The following AMD1 variants were observed in gnomAD, a reference collection of about 807,000 sequenced individuals.
AMD1 encodes the protein adenosylmethionine decarboxylase 1, also known as S-adenosylmethionine decarboxylase proenzyme.
AMD1 carries 11 observed loss-of-function variants against 40.2 expected under a neutral mutation model. The observed-to-expected ratio is 0.27, with a 90% confidence interval of 0.17 to 0.45. The LOEUF (loss-of-function observed/expected upper bound fraction) is 0.45. Among genes scored for constraint, AMD1 ranks in the 20% least tolerant of loss-of-function variants. The probability of loss-of-function intolerance (pLI) is 1.00; values close to 1 mark genes in which losing one functional copy is unlikely to be tolerated. For synonymous variants in AMD1, 121 were observed against 130.8 expected (o/e 0.93, Z 0.51); for missense variants, 257 against 410.2 (o/e 0.63, Z 3.23).
intron 1 of AMD1, among the ~76,000 whole-genome samples, chr6:110,876,177 G>A (rs994924573): frequency 6.6e-6 from 1 of 152,258 alleles, no homozygotes; most frequent in Non-Finnish European, 1.5e-5. Flanking sequence ...TGGTATTGCT[G>A]TGGAAATCCA....
At chr6:110,835,577 A>G in the AMD1 span, among the ~76,000 whole-genome samples, 13 of 152,206 alleles carry the variant, frequency 8.5e-5, no homozygotes, top group East Asian at 2.5e-3. Flanking sequence ...TATTATTTAA[A>G]AAATCAGGCC....
chr6:110,870,461 A>G (rs1784894698), upstream of AMD1, among the ~76,000 whole-genome samples: 1 of 152,074 alleles, frequency 6.6e-6, no homozygotes, highest in Non-Finnish European at 1.5e-5. Flanking sequence ...GGTCGCTACT[A>G]AAAATACAAA....
the AMD1 span, chr6:110,815,847 G>C: frequency 6.6e-6 from 1 of 152,500 alleles, no homozygotes; most frequent in Non-Finnish European, 1.5e-5. Context: ...GGAGGCGAGG[G>C]CTGGTGAGGA....
rs1583224826 is a variant in AMD1, at chr6:110,892,985, A to G, written c.784A>G (p.Thr262Ala). The change falls in exon 8 of 9, where the codon ACC becomes GCC. Residue 262 changes from threonine (T) to alanine (A), a missense_variant. Physicochemically the swap from Thr to Ala is moderately conservative, Grantham distance 58. Around this residue, in one of 3 missense-constraint regions of AMD1, gnomAD observed 192 missense variants for 296.5 expected, o/e 0.65. Coordinates refer to ENST00000368885, the MANE Select transcript of AMD1 (RefSeq NM_001634.6). The part of the protein sequence containing the change: ...YVSFETNLSQ[T>A]SYDDLIRKVV... ...TAGCTTTGAAACAAACTTAAGTCAG[A>G]CCTCCTATGATGACCTGATCAGGAA... 6.2e-7 allele frequency: 1 copy of G among 1,613,956 alleles called. No homozygotes were observed. Among genetic ancestry groups the G allele is most frequent in the East Asian group, 2.2e-5 (1 of 44,860 alleles).
chr6:110,826,616 C>A, the AMD1 span, among the ~76,000 whole-genome samples: 4 of 151,950 alleles, frequency 2.6e-5, no homozygotes, highest in Non-Finnish European at 4.4e-5. Flanking sequence ...GGCAGCATAA[C>A]TCAAATCTCT....
At chr6:110,845,352 G>A in the AMD1 span, among the ~76,000 whole-genome samples, 7 of 151,852 alleles carry the variant, frequency 4.6e-5, no homozygotes, top group African/African-American at 7.3e-5. Flanking sequence ...TGCCACAGAC[G>A]TTTAAACAAC....
At chr6:110,886,859 T>C (rs1785718989) in intron 1 of AMD1, among the ~76,000 whole-genome samples, 1 of 152,246 alleles carries the variant, frequency 6.6e-6, no homozygotes, top group South Asian at 2.1e-4. Context: ...ATGAACACTT[T>C]CCTAATTCTA....
chr6:110,838,785 G>C, the AMD1 span, among the ~76,000 whole-genome samples: 1 of 152,146 alleles, frequency 6.6e-6, no homozygotes, highest in Non-Finnish European at 1.5e-5. Flanking sequence ...CTTAAACCTG[G>C]AGGGCTGAGG....
chr6:110,880,822 G>A (rs1468941197), intron 1 of AMD1, among the ~76,000 whole-genome samples: 1 of 152,010 alleles, frequency 6.6e-6, no homozygotes, highest in Non-Finnish European at 1.5e-5. Flanking sequence ...ACAAGCCTGC[G>A]CCACCACACC....
At chr6:110,893,344 C>A in intron 8 of AMD1, 132 bp from the exon 9 acceptor site, 1 of 1,272,680 alleles carries the variant, frequency 7.9e-7, no homozygotes, top group Non-Finnish European at 1.1e-6. Context: ...GCCCCTCCAG[C>A]ACATAAGAAG....
Position 110,878,766 on chromosome 6 carries a change from A to G in AMD1, c.110+3551A>G, listed in dbSNP as rs185228809. Among the ~76,000 whole-genome samples the G allele has an allele frequency of 1.9e-3, 296 of 152,302 alleles. 2 individuals are homozygous for G. Among genetic ancestry groups the G allele is most frequent in the Admixed American group, 3.9e-3 (59 of 15,296 alleles). ...TTAGAAAATAGAAAATTTTGCTGAG[A>G]AAAGAATGATTTTTCAGGACTGGAA... On this transcript the variant is annotated intron_variant, in intron 1 of 8. Transcript: ENST00000368885.
At chr6:110,814,834 CG>C in the AMD1 span, 2 of 825,068 alleles carry the variant, frequency 2.4e-6, no homozygotes, top group Non-Finnish European at 3.9e-6. Context: ...CGGGGCCGCG[CG>C]GGGGAGGCGG....
intron 4 of AMD1, chr6:110,890,911 T>C (rs1285935815): frequency 2.0e-5 from 3 of 152,236 alleles, no homozygotes; most frequent in African/African-American, 7.2e-5. Context: ...TTAGTTAAGA[T>C]TAATAGCTTA....
chr6:110,846,607 C>G, the AMD1 span, among the ~76,000 whole-genome samples: 604 of 152,236 alleles, frequency 4.0e-3, 2 homozygotes, highest in Non-Finnish European at 5.1e-3. Context: ...GGTGGTGGCT[C>G]ACACCTGTAA....
the AMD1 span, among the ~76,000 whole-genome samples, chr6:110,850,055 G>A: frequency 6.6e-6 from 1 of 151,154 alleles, no homozygotes; most frequent in Non-Finnish European, 1.5e-5. Context: ...ATGACAGGGA[G>A]TTGAACTCTC....
intron 1 of AMD1, 114 bp downstream of exon 1, chr6:110,875,329 C>CGACCCCA: frequency 1.1e-6 from 1 of 874,348 alleles, no homozygotes. Flanking sequence ...GGCAAGTCTG[C>CGACCCCA]GGCCTGGGGT....
At chr6:110,887,454 A>C in intron 1 of AMD1, 51 bp from the exon 2 acceptor site, 1 of 1,309,188 alleles carries the variant, frequency 7.6e-7, no homozygotes, top group South Asian at 1.3e-5. Flanking sequence ...AATTTTTATG[A>C]GTAGGTGGGT....
the AMD1 span, chr6:110,864,038 C>G: frequency 3.6e-6 from 1 of 277,202 alleles, no homozygotes; most frequent in Admixed American, 4.7e-5. Context: ...CTGCTCACTG[C>G]AACCTTTGCC....
chr6:110,858,369 T>C, the AMD1 span: 1 of 746,136 alleles, frequency 1.3e-6, no homozygotes, highest in South Asian at 1.4e-5. Context: ...CTCACCAGCC[T>C]CTCCATCGGC....
Sources: gnomAD v4.1 joint callset for allele counts (sites outside exome capture counted in the v4.1 genomes callset) on GRCh38, gnomAD v4.1.1 for gene constraint, gnomAD v4.1.1 regional missense constraint, MANE v1.5 for transcripts, NCBI Gene and HGNC (gene_info 2026-07-23, HGNC 2026-07-21) for gene names.